The following NCOA6 variants were observed in gnomAD, a reference collection of about 807,000 sequenced individuals.
NCOA6 encodes the protein nuclear receptor coactivator 6, also known as NRC RAP250.
In NCOA6, 49 loss-of-function variants were observed where a neutral mutation model predicts 171.4. The ratio of observed to expected loss-of-function variants is 0.29; its 90% CI spans 0.23 to 0.36. NCOA6 has a LOEUF of 0.36. Among genes scored for constraint, NCOA6 ranks in the 10% least tolerant of loss-of-function variants. NCOA6 has a pLI of 1.00. For synonymous variants in NCOA6, 910 were observed against 927.5 expected, an observed-to-expected ratio of 0.98 and a Z score of 0.34; for missense variants, 2,248 against 2,554.5, an observed-to-expected ratio of 0.88 and a Z score of 2.59.
intron 12 of NCOA6, 91 bp from the exon 13 acceptor site, chr20:34,732,686 G>T: frequency 9.2e-7 from 1 of 1,081,878 alleles, no homozygotes; most frequent in Non-Finnish European, 1.4e-6. Flanking sequence ...GCCCTATTTA[G>T]GCTAAAGTGT....
intron 8 of NCOA6, among the ~76,000 whole-genome samples, chr20:34,753,232 A>G (rs998502034): frequency 8.6e-5 from 13 of 151,044 alleles, no homozygotes; most frequent in Non-Finnish European, 1.8e-4. Context: ...TTTTTAGTAG[A>G]GACAGGGTTT....
intron 2 of NCOA6, among the ~76,000 whole-genome samples, chr20:34,790,887 G>C (rs906713308): frequency 1.3e-5 from 2 of 151,856 alleles, no homozygotes; most frequent in African/African-American, 4.8e-5. Flanking sequence ...CTGACCTCAA[G>C]TGATACACCC....
At chr20:34,719,077 T>C (rs1321262332) in intron 14 of NCOA6, among the ~76,000 whole-genome samples, 1 of 152,208 alleles carries the variant, frequency 6.6e-6, no homozygotes, top group Non-Finnish European at 1.5e-5. Context: ...TCAATAATAG[T>C]CTTTTAAGTG....
At chr20:34,751,376 C>CAAAAAAAAA (rs35848122) in intron 8 of NCOA6, among the ~76,000 whole-genome samples, 3,389 of 67,768 alleles carry the variant, frequency 0.05, 322 homozygotes, top group African/African-American at 0.17. Flanking sequence ...GACTCCGTCT[C>CAAAAAAAAA]AAAAAAAAAA....
At chr20:34,774,508 G>A (rs774284278) in intron 4 of NCOA6, among the ~76,000 whole-genome samples, 3 of 152,164 alleles carry the variant, frequency 2.0e-5, no homozygotes, top group Non-Finnish European at 4.4e-5. Context: ...GCCCCTTTGA[G>A]GGCACAGCAA....
intron 2 of NCOA6, among the ~76,000 whole-genome samples, chr20:34,783,852 G>A (rs1438416486): frequency 6.6e-6 from 1 of 152,024 alleles, no homozygotes; most frequent in Non-Finnish European, 1.5e-5. Context: ...TTGAACTTCT[G>A]AGCTCAAGCA....
In NCOA6 at chr20:34,740,903, G is replaced by T. The variant is rs768086975; in HGVS notation, c.5353C>A (p.Pro1785Thr). Residue 1785 changes from proline (P) to threonine (T), a missense_variant, in exon 11 of 15, where the codon CCC becomes ACC. By Grantham distance (38) the Pro-to-Thr change is conservative. Transcript: ENST00000359003. ...VNTSADQNTL[P>T]SSQSTTMVSP... The stretch of plus-strand genomic sequence containing the variant: ...ACCATTGTGGTTGACTGTGAAGAGG[G>T]AAGAGTGTTCTGATCTGCTGAGGTG... The T allele has an allele frequency of 6.2e-7, 1 of 1,614,198 alleles. No homozygotes were observed. Among genetic ancestry groups the T allele is most frequent in the Non-Finnish European group, 8.5e-7 (1 of 1,180,028 alleles).
chr20:34,760,697 TCTTA>T (rs765750956), intron 5 of NCOA6, among the ~76,000 whole-genome samples: 162 of 152,336 alleles, frequency 1.1e-3, no homozygotes, highest in Middle Eastern at 3.4e-3. Flanking sequence ...GTTTTCAATG[TCTTA>T]CTGTCAATTT....
At chr20:34,727,526 G>A in intron 13 of NCOA6, 119 bp from the exon 14 acceptor site, 2 of 1,121,094 alleles carry the variant, frequency 1.8e-6, no homozygotes, top group South Asian at 3.1e-5. Context: ...AGTTATTCTG[G>A]AGAGAAAGCA....
In NCOA6 at chr20:34,742,406, C is replaced by T. The variant is rs774679799; in HGVS notation, c.3850G>A (p.Gly1284Arg). 5 of 1,614,040 alleles carry T rather than the reference C, an allele frequency of 3.1e-6. No individual in the cohort carries two copies. Among genetic ancestry groups the T allele is most frequent in the Non-Finnish European group, 2.5e-6 (3 of 1,180,046 alleles). ...ATGGTAAGATTTGAAGGTGCTTGCC[C>T]GATGGCCTTCAAAGTTGTTGGATTT... is the stretch of plus-strand genomic sequence containing the variant. ...GLNPTTLKAI[G>R]QAPSNLTMNP... Residue 1284 changes from glycine to arginine, a missense_variant, in exon 11 of 15, where the codon GGG (glycine) becomes AGG (arginine). By Grantham distance (125) the Gly-to-Arg change is moderately radical. Transcript: ENST00000359003.
rs1485510380 is a variant in NCOA6 at position 34,782,370 on chromosome 20, C to T, written c.-15G>A. The T allele has an allele frequency of 1.3e-6, 2 of 1,516,380 alleles. No individual in the cohort carries two copies. The highest frequency in any genetic ancestry group is 4.6e-5 in the East Asian group (2 of 43,780). The allele number at this position is 1,516,380 out of a possible 1,614,324, so 93.9% of individuals were successfully genotyped here. The stretch of plus-strand genomic sequence containing the variant: ...TCCAAAACCATGGTGAATATTATTC[C>T]AGAAGCATATGCCAAGAGGACAATA... On this transcript the variant is annotated 5_prime_UTR_variant, in exon 3 of 15. An upstream open reading frame in the 5' UTR gains an earlier in-frame stop. Transcript: ENST00000359003.
chr20:34,764,671 C>A (rs899661067), intron 5 of NCOA6, among the ~76,000 whole-genome samples: 1 of 149,402 alleles, frequency 6.7e-6, no homozygotes, highest in African/African-American at 2.5e-5. Context: ...GGTGACAGAG[C>A]GAGACTCTGT....
intron 1 of NCOA6, among the ~76,000 whole-genome samples, chr20:34,817,349 A>ATATTAACTGATATAGTTAATT (rs914263491): frequency 2.0e-5 from 3 of 151,998 alleles, no homozygotes; most frequent in Non-Finnish European, 4.4e-5. Flanking sequence ...GTGCTCATTA[A>ATATTAACTGATATAGTTAATT]TATTAACTGA....
chr20:34,758,807 G>A lies in NCOA6; in HGVS notation c.641C>T (p.Ser214Leu), dbSNP rs759086559. The A allele has an allele frequency of 6.2e-7, 1 of 1,612,470 alleles. No homozygotes were observed. Among genetic ancestry groups the A allele is most frequent in the South Asian group, 1.1e-5 (1 of 90,612 alleles). ...CCTCAAAGATTGGAAGTCATTACCT[G>A]ACTGAGAAGCAGGGCGAGGAGTCCT... ...QPRTPRPASQ[S>L]DAMDPLLSGL... The change falls in exon 6 of 15, where the codon TCA becomes TTA. Residue 214 changes from serine (S) to leucine (L), a missense_variant and splice_region_variant. Physicochemically the swap from Ser to Leu is moderately radical, Grantham distance 145 (BLOSUM62 -2). This residue lies in a region of NCOA6 where 987 missense variants were observed against 1,104.7 expected (regional missense o/e 0.89). Transcript: ENST00000359003.
chr20:34,749,378 T>G, intron 9 of NCOA6, 25 bp downstream of exon 9: 1 of 1,559,908 alleles, frequency 6.4e-7, no homozygotes, highest in Non-Finnish European at 8.7e-7. Flanking sequence ...TGAATAAAAT[T>G]TGAGGCAAAA....
At position 34,749,590 on chromosome 20, in the gene NCOA6, C is replaced by G; in HGVS notation, c.2605G>C (p.Gly869Arg). Residue 869 changes from glycine to arginine, a missense_variant, in exon 9 of 15, where the codon GGT becomes CGT. Transcript: ENST00000359003. ...TTGACTGGGAAGCCTGGATTTTGAC[C>G]ACAGGACATCTGATTTCCATTGGGA... ...GAPNGNQMSC[G>R]QNPGFPVNKD... 1 of 1,614,168 alleles carries G rather than the reference C, an allele frequency of 6.2e-7. No individual in the cohort carries two copies. Among genetic ancestry groups the G allele is most frequent in the African/African-American group, 1.3e-5 (1 of 75,038 alleles).
chr20:34,715,579 C>CA (rs961249839), intron 14 of NCOA6, among the ~76,000 whole-genome samples: 1 of 152,122 alleles, frequency 6.6e-6, no homozygotes, highest in Non-Finnish European at 1.5e-5. Context: ...TGGAATGTGA[C>CA]AGAGGTGGTG....
At chr20:34,774,702 G>C (rs1386223762) in intron 4 of NCOA6, among the ~76,000 whole-genome samples, 1 of 152,198 alleles carries the variant, frequency 6.6e-6, no homozygotes, top group Non-Finnish European at 1.5e-5. Flanking sequence ...GAGGGGAAGA[G>C]AGGGTTCTAG....
intron 1 of NCOA6, among the ~76,000 whole-genome samples, chr20:34,805,265 A>G (rs1236786848): frequency 2.0e-5 from 3 of 150,626 alleles, no homozygotes; most frequent in Non-Finnish European, 4.4e-5. Flanking sequence ...CTGATCTCAA[A>G]CTCCTGGGCT....
Sources: gnomAD v4.1 joint callset for allele counts (sites outside exome capture counted in the v4.1 genomes callset) on GRCh38, gnomAD v4.1.1 for gene constraint, gnomAD v4.1.1 regional missense constraint, MANE v1.5 for transcripts, NCBI Gene and HGNC (gene_info 2026-07-23, HGNC 2026-07-21) for gene names.